The following TGFBR3 variants were observed in gnomAD, a reference collection of about 807,000 sequenced individuals.
The protein encoded by TGFBR3 is transforming growth factor beta receptor 3, also known as transforming growth factor beta receptor type 3.
Under a neutral mutation model 87.9 loss-of-function variants are expected in TGFBR3, and 46 were observed. The observed-to-expected ratio is 0.52, with a 90% CI of 0.41 to 0.67. The LOEUF is 0.67. Among genes scored for constraint, TGFBR3 ranks in the 30% least tolerant of loss-of-function variants. The probability of loss-of-function intolerance (pLI) is 0.00; values close to 1 mark genes in which losing one functional copy is unlikely to be tolerated. For missense variants in TGFBR3, 866 were observed against 1,041.9 expected (o/e 0.83, Z 2.32); for synonymous variants, 381 against 391.6 (o/e 0.97, Z 0.32).
intron 5 of TGFBR3, among the ~76,000 whole-genome samples, chr1:91,732,354 A>C (rs74865767): frequency 0.025 from 3,761 of 152,232 alleles, 139 homozygotes; most frequent in African/African-American, 0.084. Flanking sequence ...GCTGATTGAA[A>C]CACTGACTGC....
At chr1:91,871,534 A>G (rs1290488369) in intron 1 of TGFBR3, among the ~76,000 whole-genome samples, 1 of 152,196 alleles carries the variant, frequency 6.6e-6, no homozygotes, top group East Asian at 1.9e-4. Flanking sequence ...AAGACCTAGG[A>G]AAGGAAAATA....
At chr1:91,764,403 G>A (rs1674094876) in intron 3 of TGFBR3, among the ~76,000 whole-genome samples, 1 of 151,404 alleles carries the variant, frequency 6.6e-6, no homozygotes, top group South Asian at 2.1e-4. Context: ...GTATGCCCTG[G>A]AAAAATACTG....
At chr1:91,901,635 G>A (rs1024515379) in intron 1 of TGFBR3, among the ~76,000 whole-genome samples, 71 of 151,910 alleles carry the variant, frequency 4.7e-4, no homozygotes, top group Admixed American at 2.4e-3. Flanking sequence ...TAGAATAAAC[G>A]TTGTGGGCCA....
At chr1:91,865,804 C>A (rs923045826) in intron 1 of TGFBR3, among the ~76,000 whole-genome samples, 1 of 151,332 alleles carries the variant, frequency 6.6e-6, no homozygotes, top group Non-Finnish European at 1.5e-5. Flanking sequence ...CCCAGCTACT[C>A]GGGAGGCTGA....
rs77559829 is a variant in TGFBR3, at chr1:91,817,717, T to C, written c.62-20246A>G. Among the ~76,000 whole-genome samples, 425 of 152,176 alleles carry C rather than the reference T, an allele frequency of 2.8e-3. 2 individuals carry two copies. Among genetic ancestry groups the C allele is most frequent in the Non-Finnish European group, 3.4e-3 (233 of 68,004 alleles). On this transcript the variant is annotated intron_variant, in intron 2 of 16. Coordinates refer to ENST00000212355, the MANE Select transcript of TGFBR3 (RefSeq NM_003243.5). ...AGTAAAGCCATGAGTATTCTGAAGG[T>C]CAAACAAAATACATATTATTTCCAA...
intron 4 of TGFBR3, among the ~76,000 whole-genome samples, chr1:91,741,423 C>G (rs2100843078): frequency 6.6e-6 from 1 of 152,284 alleles, no homozygotes; most frequent in South Asian, 2.1e-4. Context: ...GCTCACCAAC[C>G]AGCAGCTCTC....
chr1:91,741,378 G>C (rs964233668), intron 4 of TGFBR3, among the ~76,000 whole-genome samples: 1 of 152,126 alleles, frequency 6.6e-6, no homozygotes, highest in African/African-American at 2.4e-5. Context: ...CCCTCTCGGA[G>C]AGCGCCACTC....
chr1:91,705,952 C>T (rs1264228108), intron 14 of TGFBR3, among the ~76,000 whole-genome samples: 1 of 152,010 alleles, frequency 6.6e-6, no homozygotes, highest in East Asian at 1.9e-4. Context: ...ACCTAATTTG[C>T]AAGAGAAATT....
chr1:91,829,604 C>T (rs1676778621), intron 2 of TGFBR3, among the ~76,000 whole-genome samples: 2 of 152,082 alleles, frequency 1.3e-5, no homozygotes, highest in Non-Finnish European at 2.9e-5. Flanking sequence ...AAAGTGTGCT[C>T]CAAGATGATG....
chr1:91,704,409 A>G (rs1671725845), intron 14 of TGFBR3, among the ~76,000 whole-genome samples: 1 of 152,090 alleles, frequency 6.6e-6, no homozygotes, highest in African/African-American at 2.4e-5. Context: ...ATAGATGCAC[A>G]TGATTCTAGT....
intron 3 of TGFBR3, among the ~76,000 whole-genome samples, chr1:91,776,338 TAATA>T (rs1674566295): frequency 6.6e-6 from 1 of 152,214 alleles, no homozygotes. Context: ...AACAGGTGCT[TAATA>T]AATAATGATT....
intron 4 of TGFBR3, among the ~76,000 whole-genome samples, chr1:91,736,142 A>C (rs12076549): frequency 0.53 from 79,864 of 151,662 alleles, 21,522 homozygotes; most frequent in Middle Eastern, 0.68. Flanking sequence ...AAGTACTTCA[A>C]TTAATTGATT....
chr1:91,875,234 G>A (rs1315711459), intron 1 of TGFBR3, among the ~76,000 whole-genome samples: 3 of 152,122 alleles, frequency 2.0e-5, no homozygotes, highest in Admixed American at 2.0e-4. Flanking sequence ...GCCACATGAA[G>A]CCCCACTGGA....
At chr1:91,900,564 T>C (rs1679690455) in intron 1 of TGFBR3, among the ~76,000 whole-genome samples, 1 of 152,212 alleles carries the variant, frequency 6.6e-6, no homozygotes, top group Non-Finnish European at 1.5e-5. Flanking sequence ...AATAGCTAGT[T>C]TTTTCTTATA....
intron 3 of TGFBR3, among the ~76,000 whole-genome samples, chr1:91,793,857 C>T (rs1401951295): frequency 1.3e-5 from 2 of 151,238 alleles, no homozygotes; most frequent in Non-Finnish European, 2.9e-5. Context: ...AAGGCTGCCT[C>T]TGGCCCTCCT....
At chr1:91,687,265 G>A (rs1335571537) in intron 16 of TGFBR3, among the ~76,000 whole-genome samples, 2 of 152,156 alleles carry the variant, frequency 1.3e-5, no homozygotes, top group Non-Finnish European at 2.9e-5. Context: ...ACTGCAGTGA[G>A]CTATGATCTC....
intron 4 of TGFBR3, among the ~76,000 whole-genome samples, chr1:91,738,472 C>G (rs897934126): frequency 6.6e-6 from 1 of 152,158 alleles, no homozygotes; most frequent in Non-Finnish European, 1.5e-5. Context: ...CTTGAGTTCA[C>G]GTGAGATCTG....
intron 4 of TGFBR3, among the ~76,000 whole-genome samples, chr1:91,753,624 C>T (rs1673634867): frequency 6.6e-6 from 1 of 152,082 alleles, no homozygotes; most frequent in African/African-American, 2.4e-5. Context: ...CTCCCATCAG[C>T]CCCTGGCAAT....
At position 91,693,865 on chromosome 1, in the gene TGFBR3, C is replaced by T. The variant is rs969729303; in HGVS notation, c.2437+1807G>A. Reference sequence around the variant, plus strand: ...CTTGAGATCTGAACATGTCGGTATTCCTGCGACAAAATTACTTACTTTAAA... The same window carrying T: ...CTTGAGATCTGAACATGTCGGTATTTCTGCGACAAAATTACTTACTTTAAA... On this transcript the variant is annotated intron_variant, in intron 16 of 16. Coordinates refer to ENST00000212355, the MANE Select transcript of TGFBR3 (RefSeq NM_003243.5). 2.0e-5 allele frequency among the ~76,000 whole-genome samples: 3 copies of T among 152,148 alleles called. No individual in the cohort carries two copies. The East Asian group carries it at 5.8e-4, about 29-fold the overall frequency.
Sources: gnomAD v4.1 joint callset for allele counts (sites outside exome capture counted in the v4.1 genomes callset) on GRCh38, gnomAD v4.1.1 for gene constraint, MANE v1.5 for transcripts, NCBI Gene and HGNC (gene_info 2026-07-23, HGNC 2026-07-21) for gene names.